Variants in ZC3H12B observed in about 807,000 individuals in gnomAD.
The protein encoded by ZC3H12B is probable ribonuclease ZC3H12B.
A neutral mutation model predicts 43.9 loss-of-function variants in ZC3H12B; 7 were observed. That is an observed-to-expected ratio of 0.16 (90% CI 0.09 to 0.30). The LOEUF is 0.30. ZC3H12B is among the 10% of genes least tolerant of loss of function. The pLI, the probability that ZC3H12B is intolerant of heterozygous loss-of-function variation, is 1.00. For synonymous variants in ZC3H12B, 222 were observed against 241.7 expected, an observed-to-expected ratio of 0.92 and a Z score of 0.76; for missense variants, 475 against 670.2, an observed-to-expected ratio of 0.71 and a Z score of 3.22.
chrX:65,146,551 C>T, the ZC3H12B span, among the ~76,000 whole-genome samples: 4 of 111,355 alleles, frequency 3.6e-5, no homozygotes, highest in African/African-American at 1.3e-4. Context: ...TGTCATATTA[C>T]CTGAGTTGGT....
the ZC3H12B span, among the ~76,000 whole-genome samples, chrX:65,327,250 T>G: frequency 9.0e-6 from 1 of 111,481 alleles, no homozygotes; most frequent in Non-Finnish European, 1.9e-5. Flanking sequence ...GTGATATATA[T>G]AGATATATAC....
the ZC3H12B span, among the ~76,000 whole-genome samples, chrX:65,238,333 T>A: frequency 1.8e-5 from 2 of 111,767 alleles, no homozygotes; most frequent in Non-Finnish European, 3.8e-5. Flanking sequence ...GGGAGGTGTA[T>A]GTGTCCAGAA....
the ZC3H12B span, among the ~76,000 whole-genome samples, chrX:65,085,334 A>G: frequency 9.0e-6 from 1 of 111,551 alleles, no homozygotes; most frequent in Admixed American, 9.6e-5. Context: ...TGATGTGATT[A>G]CTTGACATTG....
At chrX:65,286,494 C>A in the ZC3H12B span, among the ~76,000 whole-genome samples, 33 of 110,567 alleles carry the variant, frequency 3.0e-4, no homozygotes, top group South Asian at 0.013. Context: ...ATTTACATAG[C>A]AAATATCAGT....
intron 2 of ZC3H12B, among the ~76,000 whole-genome samples, chrX:65,380,836 A>C (rs2066427333): frequency 8.9e-6 from 1 of 111,791 alleles, no homozygotes; most frequent in Non-Finnish European, 1.9e-5. Context: ...TTAAACCAAC[A>C]AAGATCAAAA....
the ZC3H12B span, among the ~76,000 whole-genome samples, chrX:65,139,711 A>C: frequency 6.3e-5 from 7 of 111,941 alleles, no homozygotes; most frequent in Admixed American, 6.6e-4. Flanking sequence ...ATTTCAATCT[A>C]TGAATACAGG....
At chrX:65,247,685 T>C in the ZC3H12B span, among the ~76,000 whole-genome samples, 1 of 111,861 alleles carries the variant, frequency 8.9e-6, no homozygotes, top group East Asian at 2.8e-4. Flanking sequence ...GGGGCAGAAT[T>C]ATGAGAACAC....
chrX:65,348,776 G>T, the ZC3H12B span, among the ~76,000 whole-genome samples: 1 of 110,182 alleles, frequency 9.1e-6, no homozygotes, highest in East Asian at 2.8e-4. Context: ...AAAAAGAAGA[G>T]CATTATATAA....
At chrX:65,478,307 G>A (rs2068021837) in intron 3 of ZC3H12B, among the ~76,000 whole-genome samples, 1 of 112,078 alleles carries the variant, frequency 8.9e-6, no homozygotes, top group Admixed American at 9.5e-5. Context: ...TTGAGTAGCT[G>A]GGACTATGGG....
At chrX:65,105,850 G>A in the ZC3H12B span, among the ~76,000 whole-genome samples, 1 of 111,383 alleles carries the variant, frequency 9.0e-6, no homozygotes, top group East Asian at 2.9e-4. Context: ...AGGGTTGCCA[G>A]AGAGAATCTT....
chrX:65,453,172 C>G (rs777816351), intron 3 of ZC3H12B, among the ~76,000 whole-genome samples: 231 of 106,617 alleles, frequency 2.2e-3, no homozygotes, highest in African/African-American at 7.8e-3. Flanking sequence ...ACCAATGGAA[C>G]AGAATAGAGA....
the ZC3H12B span, among the ~76,000 whole-genome samples, chrX:65,160,271 C>T: frequency 6.0e-4 from 67 of 111,806 alleles, no homozygotes; most frequent in African/African-American, 1.9e-3. Context: ...ATGATGCTGG[C>T]CTCATAAAAT....
the ZC3H12B span, among the ~76,000 whole-genome samples, chrX:65,052,396 T>A: frequency 9.0e-6 from 1 of 111,247 alleles, no homozygotes; most frequent in African/African-American, 3.3e-5. Context: ...TATTGTGCTA[T>A]CAAATAGTAG....
intron 3 of ZC3H12B, among the ~76,000 whole-genome samples, chrX:65,476,988 A>ATTT (rs3065468): frequency 0.014 from 1,240 of 90,691 alleles, 44 homozygotes; most frequent in African/African-American, 0.053. Context: ...CTCCTGACTA[A>ATTT]TTTTTTTTTT....
the ZC3H12B span, among the ~76,000 whole-genome samples, chrX:65,191,692 T>C: frequency 9.2e-6 from 1 of 108,247 alleles, no homozygotes. Context: ...CTTCTCTCTT[T>C]TTTTCTTTAT....
At chrX:65,348,304 A>G in the ZC3H12B span, among the ~76,000 whole-genome samples, 2 of 111,771 alleles carry the variant, frequency 1.8e-5, no homozygotes, top group South Asian at 3.7e-4. Context: ...TTTACAGGGA[A>G]GCAAATGCTG....
At chrX:65,204,473 T>C in the ZC3H12B span, among the ~76,000 whole-genome samples, 1 of 112,278 alleles carries the variant, frequency 8.9e-6, no homozygotes, top group African/African-American at 3.2e-5. Flanking sequence ...GATTAGTATC[T>C]ATTATAAAAT....
chrX:65,366,869 T>A (rs1320285737), intron 1 of ZC3H12B, 103 bp downstream of exon 3: 1 of 112,653 alleles, frequency 8.9e-6, no homozygotes, highest in African/African-American at 3.2e-5. Flanking sequence ...TTTACCTATG[T>A]GATGACAGTC....
chrX:65,160,825 C>T, the ZC3H12B span, among the ~76,000 whole-genome samples: 1 of 111,211 alleles, frequency 9.0e-6, no homozygotes, highest in African/African-American at 3.3e-5. Context: ...TTTGCTCTTG[C>T]TTTTCTAGTT....
Sources: allele counts gnomAD v4.1 joint callset (sites outside exome capture counted in the v4.1 genomes callset), GRCh38; gene constraint gnomAD v4.1.1; transcripts MANE v1.5; gene names NCBI Gene and HGNC (gene_info 2026-07-23, HGNC 2026-07-21).